The following ITPR3 variants were observed in gnomAD, a reference collection of about 807,000 sequenced individuals.
ITPR3 encodes inositol 1,4,5-trisphosphate receptor type 3, also known as inositol 1,4,5-trisphosphate-gated calcium channel ITPR3.
ITPR3 carries 173 observed loss-of-function variants against 293.2 expected under a neutral mutation model. That is an observed-to-expected ratio of 0.59 (90% CI 0.52 to 0.67). The LOEUF (loss-of-function observed/expected upper bound fraction) is 0.67, where lower values mean the gene tolerates loss of function less well. ITPR3 is among the 30% of genes least tolerant of loss of function. The pLI, the probability that ITPR3 is intolerant of heterozygous loss-of-function variation, is 0.00. For synonymous variants in ITPR3, 1,295 were observed against 1,444.4 expected (o/e 0.90, Z 2.35); for missense variants, 2,796 against 3,592.1 (o/e 0.78, Z 5.66).
chr6:33,684,390 G>A lies in ITPR3; in HGVS notation c.4971G>A (p.Ser1657=), dbSNP rs118044529. 2,924 of 1,614,044 alleles carry A rather than the reference G, an allele frequency of 1.8e-3. 61 individuals are homozygous for A. The East Asian group carries it at 0.041, about 23-fold the overall frequency. ...LIQHTKDLME[S]EEKLCIKVLR... is the part of the protein sequence containing the mutation. ...AGCACACCAAGGACCTCATGGAGTC[G>A]GAGGAGAAGCTGTGCATCAAGGTGC... Residue 1657 remains serine (S), a synonymous_variant, in exon 37 of 58, where the codon TCG becomes TCA. Transcript: ENST00000605930. The surrounding 1 kb of genome is among the most constrained non-coding windows in gnomAD (Gnocchi z 4.2).
At chr6:33,635,563 A>G (rs1763802773) in intron 1 of ITPR3, among the ~76,000 whole-genome samples, 1 of 152,240 alleles carries the variant, frequency 6.6e-6, no homozygotes, top group Non-Finnish European at 1.5e-5. Context: ...AAACAAAATA[A>G]GTAAACTAGC....
Position 33,658,644 on chromosome 6 carries a change from C to T in ITPR3, c.370-26C>T. 1 of 1,611,532 alleles carries T rather than the reference C, an allele frequency of 6.2e-7. No individual in the cohort carries two copies. The highest frequency in any genetic ancestry group is 1.3e-5 in the African/African-American group (1 of 75,036). On this transcript the variant is annotated intron_variant, in intron 4 of 57. Coordinates refer to ENST00000605930, the MANE Select transcript of ITPR3 (RefSeq NM_002224.4). The surrounding 1 kb of genome is among the most constrained non-coding windows in gnomAD (Gnocchi z 6.1). ...GGGCCGACTCCTGTGGCGCGGTGAC[C>T]TTCCCGCACCCCACCTGACCCCCAG...
intron 1 of ITPR3, among the ~76,000 whole-genome samples, chr6:33,631,490 A>C (rs1255753952): frequency 1.3e-5 from 2 of 152,198 alleles, no homozygotes; most frequent in Admixed American, 6.5e-5. Flanking sequence ...TCTTCTCTGC[A>C]CTTGTAAGAA....
Position 33,664,246 on chromosome 6 carries a change from T to C in ITPR3, c.1148+366T>C, listed in dbSNP as rs1392205891. On this transcript the variant is annotated intron_variant, in intron 11 of 57. Transcript: ENST00000605930. The surrounding 1 kb of genome is among the most constrained non-coding windows in gnomAD (Gnocchi z 4.4). The stretch of plus-strand genomic sequence containing the variant: ...CTAGGACGGAACATCAAGAAACTTC[T>C]CAAGTGTCAGTACAGGCTTTGGCGT... 6.6e-6 allele frequency among the ~76,000 whole-genome samples: 1 copy of C among 152,138 alleles called. No homozygotes were observed. The highest frequency in any genetic ancestry group is 2.4e-5 in the African/African-American group (1 of 41,424).
rs1764387970 is a variant in ITPR3 at position 33,659,113 on chromosome 6, C to T, written c.621C>T (p.Cys207=). The T allele has an allele frequency of 6.2e-7, 1 of 1,613,400 alleles. No individual in the cohort carries two copies. Among genetic ancestry groups the T allele is most frequent in the Non-Finnish European group, 8.5e-7 (1 of 1,179,838 alleles). The change falls in exon 6 of 58, where the codon TGC becomes TGT. Residue 207 remains cysteine, a synonymous_variant. Coordinates refer to ENST00000605930, the MANE Select transcript of ITPR3 (RefSeq NM_002224.4). ...SNYELSDNAG[C]KEVNSVNCNT... ...ACGAGCTCAGCGACAACGCCGGCTG[C>T]AAGGAGGTGAGGGGGTGGGGGGTCA...
chr6:33,684,425 T>C lies in ITPR3; in HGVS notation c.5006T>C (p.Leu1669Pro), dbSNP rs1765166857. 2 of 1,613,900 alleles carry C rather than the reference T, an allele frequency of 1.2e-6. No homozygotes were observed. The highest frequency in any genetic ancestry group is 2.2e-5 in the South Asian group (2 of 91,082). The change falls in exon 37 of 58, where the codon CTG becomes CCG. Residue 1669 changes from leucine (L) to proline (P), a missense_variant. Physicochemically the swap from Leu to Pro is moderately conservative, Grantham distance 98. Coordinates refer to ENST00000605930, the MANE Select transcript of ITPR3 (RefSeq NM_002224.4). This position sits in a 1 kb window ranked among gnomAD's most constrained non-coding sequence, Gnocchi z 4.2. ...CTGTGCATCAAGGTGCTGCGGACCC[T>C]GCAGCAGATGCTGCTCAAGAAGACC... is the stretch of plus-strand genomic sequence containing the variant. Reference protein sequence around the residue: ...EKLCIKVLRTLQQMLLKKTKY... With the variant: ...EKLCIKVLRTPQQMLLKKTKY...
chr6:33,637,795 C>T (rs1385764068), intron 1 of ITPR3, among the ~76,000 whole-genome samples: 1 of 150,322 alleles, frequency 6.7e-6, no homozygotes, highest in Non-Finnish European at 1.5e-5. Flanking sequence ...CCACACCCGG[C>T]TAATTTTTTC....
rs149436819 is a variant in ITPR3 at position 33,658,720 on chromosome 6, G to A, written c.420G>A (p.Pro140=). 120 of 1,614,086 alleles carry A rather than the reference G, an allele frequency of 7.4e-5. No homozygotes were observed. Among genetic ancestry groups the A allele is most frequent in the Middle Eastern group, 1.6e-4 (1 of 6,082 alleles). ...NKYLTVNKRL[P]ALLEKNAMRV... Reference sequence around the variant, plus strand: ...ACCTGACAGTGAACAAGCGGCTTCCGGCCTTGCTGGAGAAGAACGCCATGC... The same window carrying A: ...ACCTGACAGTGAACAAGCGGCTTCCAGCCTTGCTGGAGAAGAACGCCATGC... The change falls in exon 5 of 58, where the codon CCG becomes CCA. Residue 140 remains proline (P), a synonymous_variant. Transcript: ENST00000605930. This position sits in a 1 kb window ranked among gnomAD's most constrained non-coding sequence, Gnocchi z 6.1.
intron 8 of ITPR3, 46 bp from the exon 9 acceptor site, chr6:33,662,865 T>C (rs1417229585): frequency 5.2e-6 from 8 of 1,548,552 alleles, no homozygotes; most frequent in Non-Finnish European, 6.1e-6. Context: ...TGACTCCCCA[T>C]GCCTGTCCAG....
rs943470 is a variant in ITPR3 at position 33,686,814 on chromosome 6, G to C, written c.5980-195G>C. ...GGTAGCTGAGTGTTTGCCACAGCGG[G>C]GGTGAAGGCAAGCCTATGGGTGGGC... is the stretch of plus-strand genomic sequence containing the variant. On this transcript the variant is annotated intron_variant, in intron 43 of 57. Coordinates refer to ENST00000605930, the MANE Select transcript of ITPR3 (RefSeq NM_002224.4). Among the ~76,000 whole-genome samples the C allele has an allele frequency of 0.4, 60,582 of 151,868 alleles. 14,462 individuals are homozygous for C. The highest frequency in any genetic ancestry group is 0.89 in the East Asian group (4,555 of 5,140).
chr6:33,645,717 C>T (rs1230031388), intron 2 of ITPR3, among the ~76,000 whole-genome samples: 1 of 152,262 alleles, frequency 6.6e-6, no homozygotes, highest in Non-Finnish European at 1.5e-5. Context: ...ACTTAAATTT[C>T]TTCCAGCCTG....
At position 33,628,374 on chromosome 6, in the gene ITPR3, C is replaced by G. The variant is rs554015262; in HGVS notation, c.89+6683C>G. 2.0e-5 allele frequency among the ~76,000 whole-genome samples: 3 copies of G among 152,336 alleles called. No homozygotes were observed. In the South Asian group the frequency reaches 6.2e-4, roughly 32 times the overall value. ...CAGGCCTCTGAATGTGAGCTCTGAG[C>G]CCCCTGGGTATGTCAGGCTGGTCAT... On this transcript the variant is annotated intron_variant, in intron 1 of 57. Transcript: ENST00000605930.
At position 33,663,895 on chromosome 6, in the gene ITPR3, T is replaced by C; in HGVS notation, c.1148+15T>C. 1.2e-6 allele frequency: 2 copies of C among 1,613,710 alleles called. No homozygotes were observed. The highest frequency in any genetic ancestry group is 1.7e-6 in the Non-Finnish European group (2 of 1,179,796). On this transcript the variant is annotated intron_variant, in intron 11 of 57. Transcript: ENST00000605930. Reference sequence around the variant, plus strand: ...TTCGTGCCCCGGTGGGTATGCGCCATGTGCCTGGGAGTTGACTGGTGGTGC... The same window carrying C: ...TTCGTGCCCCGGTGGGTATGCGCCACGTGCCTGGGAGTTGACTGGTGGTGC...
At chr6:33,694,734 A>G in intron 56 of ITPR3, 190 bp from the exon 57 acceptor site, 1 of 671,038 alleles carries the variant, frequency 1.5e-6, no homozygotes, top group Non-Finnish European at 2.5e-6. Flanking sequence ...AGGGTTGACA[A>G]GAGGGTTGAC....
intron 2 of ITPR3, among the ~76,000 whole-genome samples, chr6:33,649,383 G>A (rs899685069): frequency 2.6e-5 from 4 of 151,984 alleles, no homozygotes; most frequent in Non-Finnish European, 4.4e-5. Flanking sequence ...CTGCCACCAC[G>A]GCCAACTAAT....
intron 57 of ITPR3, 42 bp downstream of exon 57, chr6:33,695,127 C>G: frequency 6.2e-7 from 1 of 1,603,192 alleles, no homozygotes; most frequent in Non-Finnish European, 8.5e-7. Context: ...TGGGTTCTAT[C>G]CCTGGGCAGT....
In ITPR3 at chr6:33,676,711, C is replaced by CT. The variant is rs1227638603; in HGVS notation, c.3283-56dup. The CT allele has an allele frequency of 3.1e-6, 5 of 1,599,948 alleles. No individual in the cohort carries two copies. The South Asian group carries it at 4.5e-5, about 14-fold the overall frequency. On this transcript the variant is annotated intron_variant, in intron 25 of 57. Coordinates refer to ENST00000605930, the MANE Select transcript of ITPR3 (RefSeq NM_002224.4). Reference sequence around the variant, plus strand: ...AGAGTAAGGAAGGTGCTGGAGGTCTCTAAGTGGCATGGACCTGGAGCCCAT... The same window carrying CT: ...AGAGTAAGGAAGGTGCTGGAGGTCTCTTAAGTGGCATGGACCTGGAGCCCAT...
Position 33,692,864 on chromosome 6 carries a change from A to G in ITPR3, c.7595A>G (p.Glu2532Gly). 1 of 1,614,060 alleles carries G rather than the reference A, an allele frequency of 6.2e-7. No homozygotes were observed. ...CGTAGTGAGAAGCAGAAGAAGGAGG[A>G]GATTCTTAAGACGACATGCTTCATC... Reference protein sequence around the residue: ...DLRSEKQKKEEILKTTCFICG... With the variant: ...DLRSEKQKKEGILKTTCFICG... Residue 2532 changes from glutamate to glycine, a missense_variant, in exon 55 of 58, where the codon GAG (glutamate) becomes GGG (glycine). Physicochemically the swap from Glu to Gly is moderately conservative, Grantham distance 98. Coordinates refer to ENST00000605930, the MANE Select transcript of ITPR3 (RefSeq NM_002224.4). This position sits in a 1 kb window ranked among gnomAD's most constrained non-coding sequence, Gnocchi z 4.2.
chr6:33,685,014 G>A (rs1472464095), intron 39 of ITPR3, 71 bp downstream of exon 39: 1 of 1,527,194 alleles, frequency 6.5e-7, no homozygotes, highest in African/African-American at 1.4e-5. Context: ...TGGGCCTTGA[G>A]TTGGGCACTG....
Sources: allele counts gnomAD v4.1 joint callset (sites outside exome capture counted in the v4.1 genomes callset), GRCh38; gene constraint gnomAD v4.1.1; non-coding constraint Gnocchi (gnomAD v3.1); transcripts MANE v1.5; gene names NCBI Gene and HGNC (gene_info 2026-07-23, HGNC 2026-07-21).